DNAH7: variants seen among roughly 807,000 people sequenced by gnomAD.
DNAH7 encodes dynein axonemal heavy chain 7, also known as axonemal beta dynein heavy chain 7.
A neutral mutation model predicts 444.6 loss-of-function variants in DNAH7; 397 were observed. That is an observed-to-expected ratio of 0.89 (90% confidence interval 0.82 to 0.97). DNAH7 has a LOEUF of 0.97. Among genes scored for constraint, DNAH7 ranks in the 50% least tolerant of loss-of-function variants. The probability of loss-of-function intolerance (pLI) is 0.00; values close to 1 mark genes in which losing one functional copy is unlikely to be tolerated. For synonymous variants in DNAH7, 1,636 were observed against 1,624.4 expected, an observed-to-expected ratio of 1.01 and a Z score of -0.17; for missense variants, 4,902 against 4,800.8, an observed-to-expected ratio of 1.02 and a Z score of -0.62.
intron 1 of DNAH7, chr2:196,063,248 G>A (rs920156035): frequency 6.6e-6 from 1 of 152,342 alleles, no homozygotes; most frequent in African/African-American, 2.4e-5. Flanking sequence ...CACTACGGAA[G>A]GCATGTGCTG....
rs1696877953 is a variant in DNAH7, at chr2:195,809,781, A to G, written c.9852T>C (p.Phe3284=). The stretch of plus-strand genomic sequence containing the variant: ...GCAGCAGTAGATTTATGGTTAGACA[A>G]AAGGAAAAGAGCAGCTTATCCTTTT... ...LFEKDKLLFS[F]CLTINLLLHE... Residue 3284 remains phenylalanine (F), a synonymous_variant, in exon 52 of 65, where the codon TTT becomes TTC. Transcript: ENST00000312428. 2 of 1,599,640 alleles carry G rather than the reference A, an allele frequency of 1.3e-6. No individual in the cohort carries two copies. Among genetic ancestry groups the G allele is most frequent in the African/African-American group, 2.7e-5 (2 of 74,526 alleles).
rs1698218837 is a variant in DNAH7, at chr2:195,834,274, TAA to T, written c.9030_9031del (p.Tyr3011CysfsTer3). On this transcript the variant is annotated frameshift_variant, in exon 48 of 65. Coordinates refer to ENST00000312428, the MANE Select transcript of DNAH7 (RefSeq NM_018897.3). LOFTEE classifies it high-confidence loss of function. ...GTCAGGTTCACTAAGTTTAATCACATAAAGACTATTGGCTTTTTCCATGTTCT... is the reference window on the plus strand; with the variant it reads ...GTCAGGTTCACTAAGTTTAATCACATAGACTATTGGCTTTTTCCATGTTCT... The T allele has an allele frequency of 6.2e-7, 1 of 1,609,748 alleles. No individual in the cohort carries two copies. The highest frequency in any genetic ancestry group is 8.5e-7 in the Non-Finnish European group (1 of 1,176,502).
At chr2:196,049,690 C>T (rs1033548906) in intron 3 of DNAH7, among the ~76,000 whole-genome samples, 5 of 152,182 alleles carry the variant, frequency 3.3e-5, no homozygotes, top group Non-Finnish European at 7.4e-5. Flanking sequence ...GGAAAAATTG[C>T]AAGACACAGC....
chr2:196,046,443 C>A (rs1471982457), intron 5 of DNAH7, among the ~76,000 whole-genome samples: 8 of 152,054 alleles, frequency 5.3e-5, no homozygotes, highest in African/African-American at 1.7e-4. Flanking sequence ...AAAAAAAATT[C>A]TTCTAAAAAT....
chr2:195,887,775 A>G (rs1701788969), intron 33 of DNAH7, among the ~76,000 whole-genome samples: 1 of 152,154 alleles, frequency 6.6e-6, no homozygotes, highest in African/African-American at 2.4e-5. Flanking sequence ...CAACTCTCAG[A>G]GGCAGGAGAT....
intron 58 of DNAH7, among the ~76,000 whole-genome samples, chr2:195,779,641 C>T (rs1695278267): frequency 1.3e-5 from 2 of 151,856 alleles, no homozygotes; most frequent in Non-Finnish European, 1.5e-5. Context: ...CAGAGTCTTG[C>T]TCTGTCACCC....
At chr2:195,791,636 A>G (rs1422241048) in intron 57 of DNAH7, among the ~76,000 whole-genome samples, 2 of 152,230 alleles carry the variant, frequency 1.3e-5, no homozygotes, top group Non-Finnish European at 2.9e-5. Context: ...GCAACAGCAA[A>G]GACATGGAAT....
chr2:195,949,307 G>A (rs1351040302), intron 19 of DNAH7, among the ~76,000 whole-genome samples: 1 of 151,856 alleles, frequency 6.6e-6, no homozygotes, highest in African/African-American at 2.4e-5. Flanking sequence ...TTATTGAGAT[G>A]GAGTCTCACT....
At position 195,969,990 on chromosome 2, in the gene DNAH7, C is replaced by A. The variant is rs771906902; in HGVS notation, c.2163G>T (p.Lys721Asn). The A allele has an allele frequency of 3.1e-6, 5 of 1,611,566 alleles. No individual in the cohort carries two copies. Among genetic ancestry groups the A allele is most frequent in the Non-Finnish European group, 4.2e-6 (5 of 1,179,210 alleles). The change falls in exon 17 of 65, where the codon AAG becomes AAT. Residue 721 changes from lysine (K) to asparagine (N), a missense_variant. Lys to Asn is a moderately conservative substitution (Grantham distance 94, BLOSUM62 0). Coordinates refer to ENST00000312428, the MANE Select transcript of DNAH7 (RefSeq NM_018897.3). Reference protein sequence around the residue: ...DLQDVQRYLKKAQILNGKLDL... With the variant: ...DLQDVQRYLKNAQILNGKLDL... ...CCAACTTTCCATTCAGTATTTGAGC[C>A]TTTTTTAGGTACCGCTGAACATCCT...
chr2:196,064,391 A>G (rs1439256110), intron 1 of DNAH7, among the ~76,000 whole-genome samples: 1 of 151,602 alleles, frequency 6.6e-6, no homozygotes, highest in Non-Finnish European at 1.5e-5. Context: ...CAAAACCTTC[A>G]ATTGTGCTTT....
chr2:195,999,425 A>G (rs1288268722), intron 12 of DNAH7, among the ~76,000 whole-genome samples: 1 of 152,168 alleles, frequency 6.6e-6, no homozygotes, highest in South Asian at 2.1e-4. Context: ...AAGAATATGG[A>G]AACTCCAAAG....
intron 63 of DNAH7, among the ~76,000 whole-genome samples, chr2:195,745,203 A>T (rs980392535): frequency 5.9e-5 from 9 of 152,222 alleles, no homozygotes; most frequent in African/African-American, 2.2e-4. Context: ...AACTACGTGA[A>T]GAATGCAGAA....
At chr2:195,915,087 G>T (rs1302679499) in intron 24 of DNAH7, among the ~76,000 whole-genome samples, 1 of 152,234 alleles carries the variant, frequency 6.6e-6, no homozygotes. Context: ...TGGTGCTGGG[G>T]AGAGAGAGAA....
intron 19 of DNAH7, among the ~76,000 whole-genome samples, chr2:195,952,689 ATC>A (rs1175158284): frequency 6.6e-6 from 1 of 151,750 alleles, no homozygotes; most frequent in East Asian, 1.9e-4. Flanking sequence ...TTGCTCTTCA[ATC>A]TCTGATACCC....
chr2:195,962,887 G>A (rs1197707411), intron 17 of DNAH7, among the ~76,000 whole-genome samples: 1 of 151,828 alleles, frequency 6.6e-6, no homozygotes, highest in East Asian at 1.9e-4. Context: ...TCTGTGCCTG[G>A]CTTATTCATT....
chr2:195,942,375 GAGA>G (rs1689509357), intron 19 of DNAH7, among the ~76,000 whole-genome samples: 1 of 151,412 alleles, frequency 6.6e-6, no homozygotes, highest in African/African-American at 2.4e-5. Flanking sequence ...GCAAAAGAAG[GAGA>G]AGGAGAAGAG....
chr2:195,738,543 A>G (rs1321239361), intron 64 of DNAH7, among the ~76,000 whole-genome samples: 2 of 152,188 alleles, frequency 1.3e-5, no homozygotes, highest in African/African-American at 2.4e-5. Flanking sequence ...CTGTATAGCT[A>G]GAGAACCTTC....
At chr2:196,044,550 C>A (rs1263438175) in intron 5 of DNAH7, among the ~76,000 whole-genome samples, 1 of 151,956 alleles carries the variant, frequency 6.6e-6, no homozygotes, top group Non-Finnish European at 1.5e-5. Context: ...AACGAATTTA[C>A]CCATGTAACC....
intron 5 of DNAH7, among the ~76,000 whole-genome samples, chr2:196,039,762 G>A (rs1696623201): frequency 1.4e-5 from 2 of 146,404 alleles, no homozygotes; most frequent in Non-Finnish European, 1.5e-5. Flanking sequence ...TTACATCACT[G>A]TACTCAACAG....
Sources: gnomAD v4.1 joint callset for allele counts (sites outside exome capture counted in the v4.1 genomes callset) on GRCh38, gnomAD v4.1.1 for gene constraint, MANE v1.5 for transcripts, NCBI Gene and HGNC (gene_info 2026-07-23, HGNC 2026-07-21) for gene names.